EDN1: variants seen among roughly 807,000 people sequenced by gnomAD.
EDN1 encodes endothelin 1, also known as endothelin-1.
Under a neutral mutation model 21.7 loss-of-function variants are expected in EDN1, and 11 were observed. The observed-to-expected ratio is 0.51, with a 90% confidence interval of 0.32 to 0.84. The LOEUF (loss-of-function observed/expected upper bound fraction) is 0.84. EDN1 is among the 40% of genes least tolerant of loss of function. The pLI, the probability that EDN1 is intolerant of heterozygous loss-of-function variation, is 0.03. For missense variants in EDN1, 244 were observed against 262.3 expected, an observed-to-expected ratio of 0.93 and a Z score of 0.48; for synonymous variants, 85 against 90.6, an observed-to-expected ratio of 0.94 and a Z score of 0.35.
the EDN1 span, among the ~76,000 whole-genome samples, chr6:12,236,174 A>T: frequency 6.6e-6 from 1 of 152,264 alleles, no homozygotes; most frequent in African/African-American, 2.4e-5. Flanking sequence ...TTGGTTGCGA[A>T]TAAAAAGAAA....
chr6:12,294,706 T>C (rs1401387476), intron 4 of EDN1, among the ~76,000 whole-genome samples: 1 of 152,234 alleles, frequency 6.6e-6, no homozygotes, highest in African/African-American at 2.4e-5. Flanking sequence ...CATTGGGTTA[T>C]ATACAGCCTT....
At chr6:12,285,789 C>T (rs190265151), upstream of EDN1, among the ~76,000 whole-genome samples, 447 of 152,170 alleles carry the variant, frequency 2.9e-3, 4 homozygotes, top group African/African-American at 9.5e-3. Flanking sequence ...AGGGTGGTCT[C>T]GAACTCCTGA....
At chr6:12,272,624 A>ATTTTT in the EDN1 span, among the ~76,000 whole-genome samples, 1 of 143,844 alleles carries the variant, frequency 7.0e-6, no homozygotes, top group Non-Finnish European at 1.5e-5. Context: ...TGCCCAGCTA[A>ATTTTT]TTTTTTTTTT....
At chr6:12,257,059 GGAACCAAAAA>G in the EDN1 span, among the ~76,000 whole-genome samples, 4 of 152,084 alleles carry the variant, frequency 2.6e-5, no homozygotes, top group Non-Finnish European at 5.9e-5. Context: ...AGAAAAATGA[GGAACCAAAAA>G]CACATTTGAT....
At chr6:12,272,598 C>T in the EDN1 span, among the ~76,000 whole-genome samples, 2 of 151,116 alleles carry the variant, frequency 1.3e-5, no homozygotes, top group African/African-American at 4.9e-5. Flanking sequence ...GCTGGGATTG[C>T]AGGCATGCGC....
At chr6:12,284,998 A>G in the EDN1 span, among the ~76,000 whole-genome samples, 3 of 152,162 alleles carry the variant, frequency 2.0e-5, no homozygotes, top group Non-Finnish European at 4.4e-5. Flanking sequence ...GTCACTCATG[A>G]CATAGAATGA....
At chr6:12,241,830 C>T in the EDN1 span, among the ~76,000 whole-genome samples, 1 of 152,148 alleles carries the variant, frequency 6.6e-6, no homozygotes, top group East Asian at 1.9e-4. Context: ...TTGCAAATTG[C>T]ATCAACATAC....
intron 1 of EDN1, among the ~76,000 whole-genome samples, chr6:12,291,117 G>T (rs534445770): frequency 6.6e-6 from 1 of 152,060 alleles, no homozygotes; most frequent in African/African-American, 2.4e-5. Context: ...AAATATTTAA[G>T]CATTCCAGCT....
the EDN1 span, among the ~76,000 whole-genome samples, chr6:12,230,700 G>A: frequency 2.6e-5 from 4 of 152,098 alleles, no homozygotes; most frequent in Admixed American, 2.6e-4. Flanking sequence ...TTGGTAACTC[G>A]AATTTTTCAC....
rs1762822153 is a variant in EDN1, at chr6:12,296,241, A to G, written c.*174A>G. On this transcript the variant is annotated 3_prime_UTR_variant, in exon 5 of 5. Coordinates refer to ENST00000379375, the MANE Select transcript of EDN1 (RefSeq NM_001955.5). Reference sequence around the variant, plus strand: ...CAAGAAAGGTTAAGGAGTTCCCCCAACCATCTTCACTGGCTTCCATCAGTG... The same window carrying G: ...CAAGAAAGGTTAAGGAGTTCCCCCAGCCATCTTCACTGGCTTCCATCAGTG... The G allele has an allele frequency of 3.2e-6, 2 of 623,252 alleles. No homozygotes were observed. The highest frequency in any genetic ancestry group is 4.1e-4 in the Middle Eastern group (1 of 2,432). The allele number at this position is 623,252 out of a possible 1,614,324, so 38.6% of individuals were successfully genotyped here. A position where few individuals can be genotyped will look rare whatever the true frequency, so the allele number is the denominator to read the frequency against.
chr6:12,294,314 G>C lies in EDN1; in HGVS notation c.443G>C (p.Cys148Ser), dbSNP rs771602064. Residue 148 changes from cysteine (C) to serine (S), a missense_variant, in exon 4 of 5, where the codon TGT becomes TCT. Coordinates refer to ENST00000379375, the MANE Select transcript of EDN1 (RefSeq NM_001955.5). The stretch of plus-strand genomic sequence containing the variant: ...AATAATCATAAGAAAGGAAAAGACT[G>C]TTCCAAGCTTGGGAAAAAGTGTATT... ...DWNNHKKGKD[C>S]SKLGKKCIYQ... The C allele has an allele frequency of 9.3e-6, 15 of 1,614,036 alleles. No homozygotes were observed. The Admixed American group carries it at 2.0e-4, about 22-fold the overall frequency.
intron 2 of EDN1, among the ~76,000 whole-genome samples, chr6:12,293,083 T>C (rs1762726349): frequency 6.6e-6 from 1 of 152,188 alleles, no homozygotes; most frequent in Admixed American, 6.5e-5. Context: ...GAAATAGAAA[T>C]ACTGTCCATA....
the EDN1 span, among the ~76,000 whole-genome samples, chr6:12,266,487 G>A: frequency 5.9e-5 from 9 of 152,144 alleles, no homozygotes; most frequent in Admixed American, 3.3e-4. Context: ...ATCCAGGCAG[G>A]AAAGACACAG....
chr6:12,270,589 T>G, the EDN1 span, among the ~76,000 whole-genome samples: 1 of 152,198 alleles, frequency 6.6e-6, no homozygotes, highest in African/African-American at 2.4e-5. Context: ...TTTTCCAAAA[T>G]TTCTCCTGTT....
At chr6:12,270,671 T>G in the EDN1 span, among the ~76,000 whole-genome samples, 1 of 152,202 alleles carries the variant, frequency 6.6e-6, no homozygotes, top group Admixed American at 6.5e-5. Flanking sequence ...AAATTTTTTT[T>G]GACACTTGGC....
At chr6:12,243,661 C>T in the EDN1 span, among the ~76,000 whole-genome samples, 2 of 152,046 alleles carry the variant, frequency 1.3e-5, no homozygotes, top group African/African-American at 4.8e-5. Flanking sequence ...GAAGAATTTC[C>T]TTTTCTGATG....
chr6:12,291,221 C>CG (rs1252091190), intron 1 of EDN1, among the ~76,000 whole-genome samples: 2 of 99,696 alleles, frequency 2.0e-5, no homozygotes, highest in African/African-American at 3.0e-5. Flanking sequence ...ACCGCCTCCC[C>CG]CCCCCCCCGC....
At chr6:12,282,571 T>A in the EDN1 span, among the ~76,000 whole-genome samples, 2 of 152,222 alleles carry the variant, frequency 1.3e-5, no homozygotes, top group African/African-American at 2.4e-5. Context: ...GGCCTGATCC[T>A]TTCTCCTCTT....
At chr6:12,243,424 G>A in the EDN1 span, among the ~76,000 whole-genome samples, 1 of 151,842 alleles carries the variant, frequency 6.6e-6, no homozygotes, top group Non-Finnish European at 1.5e-5. Flanking sequence ...GCACACTGGG[G>A]GTAACTATTA....
Sources: allele counts gnomAD v4.1 joint callset (sites outside exome capture counted in the v4.1 genomes callset), GRCh38; gene constraint gnomAD v4.1.1; transcripts MANE v1.5; gene names NCBI Gene and HGNC (gene_info 2026-07-23, HGNC 2026-07-21).